The following HM13 variants were observed in gnomAD, a reference collection of about 807,000 sequenced individuals.
HM13 encodes the protein signal peptide peptidase.
HM13 carries 18 observed loss-of-function variants against 50.0 expected under a neutral mutation model. That is an observed-to-expected ratio of 0.36 (90% confidence interval 0.25 to 0.53). The LOEUF (loss-of-function observed/expected upper bound fraction) is 0.53. HM13 is among the 20% of genes least tolerant of loss of function. HM13 has a pLI of 0.90. For synonymous variants in HM13, 197 were observed against 232.6 expected (o/e 0.85, Z 1.39); for missense variants, 393 against 552.4 (o/e 0.71, Z 2.89).
At chr20:31,530,917 C>T (rs1982777890) in intron 2 of HM13, among the ~76,000 whole-genome samples, 1 of 152,162 alleles carries the variant, frequency 6.6e-6, no homozygotes, top group Admixed American at 6.6e-5. Context: ...GCCAAATCAC[C>T]CTCCAAAAAG....
chr20:31,521,588 G>A (rs1360910702), intron 1 of HM13, among the ~76,000 whole-genome samples: 1 of 152,000 alleles, frequency 6.6e-6, no homozygotes, highest in Non-Finnish European at 1.5e-5. Flanking sequence ...AATTAGCTGG[G>A]CGTGGTGGTA....
chr20:31,550,636 A>T (rs755382621), intron 7 of HM13, among the ~76,000 whole-genome samples: 19 of 152,264 alleles, frequency 1.2e-4, no homozygotes, highest in Non-Finnish European at 2.8e-4. Flanking sequence ...TTGAGCACTG[A>T]CATGACACCA....
rs1443521216 is a variant in HM13 at position 31,568,054 on chromosome 20, GTCTCT to G, written c.1035-18_1035-14del. The G allele has an allele frequency of 1.9e-6, 3 of 1,557,976 alleles. No homozygotes were observed. Among genetic ancestry groups the G allele is most frequent in the Non-Finnish European group, 2.6e-6 (3 of 1,149,732 alleles). ...TTTCCCTATCCATCTCTTTTTTTCT[GTCTCT>G]TCTCTCTCTCTCACACAGCTACGAG... On this transcript the variant is annotated intron_variant, in intron 11 of 12. Coordinates refer to ENST00000398174, the MANE Select transcript of HM13 (RefSeq NM_178581.3).
intron 11 of HM13, chr20:31,567,809 A>C: frequency 5.2e-6 from 2 of 382,044 alleles, no homozygotes; most frequent in East Asian, 4.9e-5. Flanking sequence ...TTTCTACGGT[A>C]TTTCTTAGAG....
chr20:31,554,703 C>G (rs748807112), intron 7 of HM13, 43 bp from the exon 8 acceptor site: 3 of 1,465,768 alleles, frequency 2.0e-6, no homozygotes, highest in Non-Finnish European at 2.8e-6. Flanking sequence ...AAAATGTAAA[C>G]TGGGCTCCAG....
chr20:31,568,625 G>T (rs1235005856), intron 12 of HM13, among the ~76,000 whole-genome samples: 1 of 152,208 alleles, frequency 6.6e-6, no homozygotes, highest in African/African-American at 2.4e-5. Context: ...TCAGTTGCTT[G>T]AAAAATGAAG....
chr20:31,523,047 AG>A (rs1568779740), intron 1 of HM13, among the ~76,000 whole-genome samples: 1 of 135,320 alleles, frequency 7.4e-6, no homozygotes, highest in Admixed American at 7.3e-5. Context: ...TTTTTTTGGG[AG>A]GGGGGCTTTT....
rs985417738 is a variant in HM13 at position 31,543,944 on chromosome 20, A to AT, written c.366-1003_366-1002insT. Among the ~76,000 whole-genome samples, 5 of 151,914 alleles carry AT rather than the reference A, an allele frequency of 3.3e-5. No individual in the cohort carries two copies. In the South Asian group the frequency reaches 1.0e-3, roughly 32 times the overall value. ...GTGAGACTCCATCTCAAAAAAAAAA[A>AT]GAGTTCCCTTTTCCCTCCCTTTATC... On this transcript the variant is annotated intron_variant, in intron 3 of 12. Transcript: ENST00000398174.
chr20:31,539,278 T>A, intron 3 of HM13: 2 of 985,476 alleles, frequency 2.0e-6, no homozygotes, highest in East Asian at 2.3e-4. Flanking sequence ...TACAGAGATG[T>A]CCCAGTATGT....
chr20:31,533,089 G>A (rs886510381), intron 2 of HM13, among the ~76,000 whole-genome samples: 2 of 152,190 alleles, frequency 1.3e-5, no homozygotes, highest in African/African-American at 2.4e-5. Context: ...CCTCCCCCCT[G>A]ACATCTGGCT....
At chr20:31,549,753 C>T (rs1218966591) in intron 6 of HM13, among the ~76,000 whole-genome samples, 2 of 152,232 alleles carry the variant, frequency 1.3e-5, no homozygotes, top group Non-Finnish European at 2.9e-5. Flanking sequence ...TTCCTGGCCC[C>T]AGGCAGCCTC....
At chr20:31,546,274 C>T (rs1983712694) in intron 4 of HM13, among the ~76,000 whole-genome samples, 1 of 151,740 alleles carries the variant, frequency 6.6e-6, no homozygotes, top group African/African-American at 2.4e-5. Flanking sequence ...TCTCCATCCC[C>T]TGACCTCTTG....
chr20:31,517,280 G>C (rs2122527434), intron 1 of HM13, among the ~76,000 whole-genome samples: 1 of 152,254 alleles, frequency 6.6e-6, no homozygotes, highest in Admixed American at 6.5e-5. Context: ...AAAGAAGGTA[G>C]AGCCTCCAGG....
At chr20:31,533,801 G>T (rs893420872) in intron 2 of HM13, among the ~76,000 whole-genome samples, 4 of 152,118 alleles carry the variant, frequency 2.6e-5, no homozygotes, top group African/African-American at 9.7e-5. Context: ...TCTCTCTCAA[G>T]GACTTTCACA....
intron 2 of HM13, among the ~76,000 whole-genome samples, chr20:31,528,409 T>C (rs1182295767): frequency 6.6e-6 from 1 of 151,936 alleles, no homozygotes; most frequent in Non-Finnish European, 1.5e-5. Context: ...CTCAACCTCT[T>C]AGGCTCAAGA....
At chr20:31,515,757 C>A (rs1331773165) in intron 1 of HM13, among the ~76,000 whole-genome samples, 1 of 152,130 alleles carries the variant, frequency 6.6e-6, no homozygotes, top group Non-Finnish European at 1.5e-5. Flanking sequence ...CTATATTAAG[C>A]CCTTTCTAGC....
intron 1 of HM13, among the ~76,000 whole-genome samples, chr20:31,521,452 G>A (rs1004686356): frequency 1.2e-4 from 18 of 152,084 alleles, no homozygotes; most frequent in Non-Finnish European, 1.9e-4. Context: ...CTGGCCAGGC[G>A]TGATGGCTCA....
At chr20:31,548,505 A>G (rs967049310) in intron 4 of HM13, 1 of 184,410 alleles carries the variant, frequency 5.4e-6, no homozygotes, top group African/African-American at 2.4e-5. Flanking sequence ...GTGGCAAAGT[A>G]GAAAGATTCC....
chr20:31,548,864 C>G (rs1313863310), intron 4 of HM13, 165 bp from the exon 5 acceptor site: 2 of 689,208 alleles, frequency 2.9e-6, no homozygotes, highest in African/African-American at 1.8e-5. Context: ...CCAGTGAGCT[C>G]TCCCCTTCTG....
Sources: allele counts gnomAD v4.1 joint callset (sites outside exome capture counted in the v4.1 genomes callset), GRCh38; gene constraint gnomAD v4.1.1; transcripts MANE v1.5; gene names NCBI Gene and HGNC (gene_info 2026-07-23, HGNC 2026-07-21).